The following TENM3 variants were observed in gnomAD, a reference collection of about 807,000 sequenced individuals.
TENM3 encodes the protein teneurin-3.
A neutral mutation model predicts 255.1 loss-of-function variants in TENM3; 63 were observed. The observed-to-expected ratio is 0.25, with a 90% confidence interval of 0.20 to 0.30. The LOEUF is 0.30. Among genes scored for constraint, TENM3 ranks in the 10% least tolerant of loss-of-function variants. TENM3 has a pLI of 1.00. For synonymous variants in TENM3, 1,306 were observed against 1,322.3 expected, an observed-to-expected ratio of 0.99 and a Z score of 0.27; for missense variants, 2,929 against 3,461.1, an observed-to-expected ratio of 0.85 and a Z score of 3.86.
At chr4:181,457,187 T>C in the TENM3 span, among the ~76,000 whole-genome samples, 4 of 151,860 alleles carry the variant, frequency 2.6e-5, no homozygotes, top group African/African-American at 9.7e-5. Flanking sequence ...GTGAAAGTGG[T>C]ATTTCAAAAT....
chr4:182,175,987 T>C (rs1315551594), intron 1 of TENM3, among the ~76,000 whole-genome samples: 2 of 151,496 alleles, frequency 1.3e-5, no homozygotes, highest in Non-Finnish European at 2.9e-5. Flanking sequence ...GATGACTCAT[T>C]TGATCAACAT....
the TENM3 span, among the ~76,000 whole-genome samples, chr4:181,457,414 TTCTC>T: frequency 1.3e-5 from 2 of 151,824 alleles, no homozygotes; most frequent in African/African-American, 4.8e-5. Context: ...AACTTCATTA[TTCTC>T]TCTCCTTCTT....
intron 3 of TENM3, among the ~76,000 whole-genome samples, chr4:182,493,523 AT>A (rs1324405792): frequency 1.3e-5 from 2 of 152,162 alleles, no homozygotes; most frequent in African/African-American, 4.8e-5. Context: ...CCAAAATAGC[AT>A]TAAAACACAA....
the TENM3 span, among the ~76,000 whole-genome samples, chr4:181,612,414 G>C: frequency 2.6e-5 from 4 of 152,106 alleles, no homozygotes; most frequent in African/African-American, 9.6e-5. Flanking sequence ...ACAGAACATG[G>C]TAAGTTCACA....
rs551514850 is a variant in TENM3, at chr4:182,681,079, G to C, written c.1834+342G>C. 1.5e-4 allele frequency among the ~76,000 whole-genome samples: 23 copies of C among 152,118 alleles called. 1 individual carries two copies. The South Asian group carries it at 4.4e-3, about 29-fold the overall frequency. ...TGCCAGCTTCTAAATCTAGCATTTT[G>C]ACATCTCTAGAAAGACAGAGTAGTA... On this transcript the variant is annotated intron_variant, in intron 10 of 27. Transcript: ENST00000511685.
chr4:182,572,745 C>T (rs1333756313), intron 3 of TENM3, among the ~76,000 whole-genome samples: 1 of 152,178 alleles, frequency 6.6e-6, no homozygotes, highest in Non-Finnish European at 1.5e-5. Flanking sequence ...AATAGTTGCT[C>T]ACAGATTTGA....
chr4:182,232,265 G>T (rs1355324594), intron 1 of TENM3, among the ~76,000 whole-genome samples: 1 of 152,182 alleles, frequency 6.6e-6, no homozygotes, highest in Non-Finnish European at 1.5e-5. Context: ...GTCCTGGAAA[G>T]AATCCTCTCC....
At chr4:181,584,387 G>T in the TENM3 span, among the ~76,000 whole-genome samples, 1 of 152,242 alleles carries the variant, frequency 6.6e-6, no homozygotes, top group African/African-American at 2.4e-5. Flanking sequence ...TTACCTAACT[G>T]TCCAGAGTGG....
chr4:182,016,085 T>C, the TENM3 span, among the ~76,000 whole-genome samples: 1 of 152,198 alleles, frequency 6.6e-6, no homozygotes, highest in African/African-American at 2.4e-5. Context: ...TTGTCTCTGA[T>C]GACTCAACTT....
chr4:182,342,054 C>G (rs914966157), intron 2 of TENM3, among the ~76,000 whole-genome samples: 1 of 152,184 alleles, frequency 6.6e-6, no homozygotes, highest in African/African-American at 2.4e-5. Context: ...TAAAACACTG[C>G]AGTCATTGTG....
At chr4:181,888,514 ATG>A in the TENM3 span, among the ~76,000 whole-genome samples, 7,266 of 26,916 alleles carry the variant, frequency 0.27, 799 homozygotes, top group East Asian at 0.46. Flanking sequence ...ATATATATAT[ATG>A]TATATATATA....
chr4:181,676,089 T>C, the TENM3 span, among the ~76,000 whole-genome samples: 1 of 151,998 alleles, frequency 6.6e-6, no homozygotes, highest in African/African-American at 2.4e-5. Context: ...GGGGGGTGCA[T>C]TTTCTTTTTC....
chr4:182,203,081 G>A (rs946147495), intron 1 of TENM3, among the ~76,000 whole-genome samples: 8 of 152,112 alleles, frequency 5.3e-5, no homozygotes, highest in Non-Finnish European at 7.4e-5. Flanking sequence ...GCCAGGCGTA[G>A]TGGTGGGTGC....
intron 1 of TENM3, among the ~76,000 whole-genome samples, chr4:182,169,938 G>A (rs536905258): frequency 8.6e-5 from 13 of 151,792 alleles, no homozygotes; most frequent in African/African-American, 3.1e-4. Context: ...TAAAATTAAA[G>A]TTTATAAAGT....
At chr4:182,574,851 A>T (rs1440632539) in intron 3 of TENM3, among the ~76,000 whole-genome samples, 1 of 152,004 alleles carries the variant, frequency 6.6e-6, no homozygotes, top group South Asian at 2.1e-4. Context: ...ATTTTATTCT[A>T]CTCCCAGACA....
chr4:181,815,462 C>CAAAAAAAAAAAAAA, the TENM3 span, among the ~76,000 whole-genome samples: 8 of 82,034 alleles, frequency 9.8e-5, no homozygotes, highest in African/African-American at 2.7e-4. Flanking sequence ...GACTCCCTAT[C>CAAAAAAAAAAAAAA]AAAAAAAAAA....
chr4:182,396,309 A>T (rs1768806717), intron 3 of TENM3, among the ~76,000 whole-genome samples: 2 of 152,202 alleles, frequency 1.3e-5, no homozygotes, highest in Non-Finnish European at 2.9e-5. Context: ...TAGAGACAGT[A>T]TAAAAAAGAA....
chr4:182,672,943 C>A, intron 6 of TENM3, 62 bp from the exon 7 acceptor site: 1 of 1,245,322 alleles, frequency 8.0e-7, no homozygotes, highest in Non-Finnish European at 1.1e-6. Context: ...AGTTTAAAAA[C>A]CTTTTTTGTT....
chr4:182,190,672 T>C (rs1753459639), intron 1 of TENM3, among the ~76,000 whole-genome samples: 1 of 152,180 alleles, frequency 6.6e-6, no homozygotes, highest in Non-Finnish European at 1.5e-5. Context: ...TTCTTTTTTT[T>C]CTCCCATTAT....
Sources: allele counts gnomAD v4.1 joint callset (sites outside exome capture counted in the v4.1 genomes callset), GRCh38; gene constraint gnomAD v4.1.1; transcripts MANE v1.5; gene names NCBI Gene and HGNC (gene_info 2026-07-23, HGNC 2026-07-21).